The following SASH1 variants were observed in gnomAD, a reference collection of about 807,000 sequenced individuals.
SASH1 encodes the protein SAM and SH3 domain containing 1, also known as SAM and SH3 domain-containing protein 1.
SASH1 carries 44 observed loss-of-function variants against 125.2 expected under a neutral mutation model. The observed-to-expected ratio is 0.35, with a 90% CI of 0.28 to 0.45. SASH1 has a LOEUF of 0.45. Ranked by LOEUF, SASH1 falls within the 20% of genes least tolerant of loss-of-function variation. The pLI is 1.00. For synonymous variants in SASH1, 639 were observed against 649.1 expected (o/e 0.98, Z 0.24); for missense variants, 1,426 against 1,614.5 (o/e 0.88, Z 2.00).
At chr6:148,299,602 G>A (rs760787604) in intron 1 of SASH1, among the ~76,000 whole-genome samples, 20 of 150,150 alleles carry the variant, frequency 1.3e-4, no homozygotes, top group African/African-American at 4.2e-4. Flanking sequence ...GGGAGGTGGC[G>A]GTTGCAGTGA....
intron 1 of SASH1, among the ~76,000 whole-genome samples, chr6:148,336,484 CTG>C (rs1781160143): frequency 6.6e-6 from 1 of 152,034 alleles, no homozygotes; most frequent in African/African-American, 2.4e-5. Context: ...GGCCCTGAAA[CTG>C]TATCTTTACT....
the SASH1 span, among the ~76,000 whole-genome samples, chr6:148,266,248 C>T: frequency 1.5e-4 from 23 of 152,302 alleles, no homozygotes; most frequent in African/African-American, 1.9e-4. Context: ...GGATTACAGG[C>T]GTGAGCCACC....
chr6:148,504,292 G>A (rs1335871820), intron 8 of SASH1, among the ~76,000 whole-genome samples: 1 of 152,056 alleles, frequency 6.6e-6, no homozygotes, highest in African/African-American at 2.4e-5. Flanking sequence ...GGGTGAGACC[G>A]GGTGCTCTGG....
At chr6:148,334,892 T>TTGAACCCGGGAGGCAGAGTTGCAG (rs1287198163) in intron 1 of SASH1, among the ~76,000 whole-genome samples, 1 of 150,054 alleles carries the variant, frequency 6.7e-6, no homozygotes, top group Non-Finnish European at 1.5e-5. Flanking sequence ...GGAGAATCAC[T>TTGAACCCGGGAGGCAGAGTTGCAG]TGAACCCGGG....
intron 2 of SASH1, among the ~76,000 whole-genome samples, chr6:148,391,326 C>T (rs1257445079): frequency 6.6e-6 from 1 of 150,998 alleles, no homozygotes; most frequent in African/African-American, 2.4e-5. Context: ...TCAGGCCGAT[C>T]TTGAACTCCC....
At chr6:148,504,747 A>G (rs1779707749) in intron 8 of SASH1, among the ~76,000 whole-genome samples, 1 of 152,098 alleles carries the variant, frequency 6.6e-6, no homozygotes, top group Non-Finnish European at 1.5e-5. Flanking sequence ...GAGATCAGAC[A>G]AGGCTCCTGG....
the SASH1 span, among the ~76,000 whole-genome samples, chr6:148,228,862 G>T: frequency 1.9e-4 from 29 of 152,094 alleles, no homozygotes; most frequent in Non-Finnish European, 3.4e-4. Flanking sequence ...TTGGCTGGGC[G>T]CAGTGGCTCA....
At chr6:148,273,381 C>T (rs1210243078) in intron 1 of SASH1, among the ~76,000 whole-genome samples, 7 of 148,886 alleles carry the variant, frequency 4.7e-5, no homozygotes, top group African/African-American at 1.7e-4. Context: ...GCAACCTCTG[C>T]CTCCTGGGTT....
At chr6:148,390,899 T>C (rs1783688019) in intron 2 of SASH1, among the ~76,000 whole-genome samples, 1 of 152,116 alleles carries the variant, frequency 6.6e-6, no homozygotes, top group Non-Finnish European at 1.5e-5. Context: ...CCAAAGGGTG[T>C]CTAGGCTAAT....
At chr6:148,270,313 C>T (rs1382386922), upstream of SASH1, among the ~76,000 whole-genome samples, 2 of 152,206 alleles carry the variant, frequency 1.3e-5, no homozygotes, top group Admixed American at 1.3e-4. Flanking sequence ...ACCTTACCTG[C>T]CAGCTATCAA....
chr6:148,459,625 C>G (rs1348264505), intron 4 of SASH1, among the ~76,000 whole-genome samples: 1 of 152,034 alleles, frequency 6.6e-6, no homozygotes, highest in Non-Finnish European at 1.5e-5. Context: ...GAACCAGCCC[C>G]TTACAAGTTA....
At chr6:148,305,254 A>C (rs1028983915) in intron 1 of SASH1, among the ~76,000 whole-genome samples, 3 of 152,038 alleles carry the variant, frequency 2.0e-5, no homozygotes, top group African/African-American at 7.2e-5. Flanking sequence ...TAAAGGTTCT[A>C]TTTGTTCCTG....
At chr6:148,256,348 A>G in the SASH1 span, among the ~76,000 whole-genome samples, 1 of 152,236 alleles carries the variant, frequency 6.6e-6, no homozygotes, top group African/African-American at 2.4e-5. Context: ...AGACAACTTT[A>G]TAAAGTGCTT....
intron 6 of SASH1, 86 bp downstream of exon 6, chr6:148,471,589 A>G: frequency 1.2e-6 from 1 of 802,828 alleles, no homozygotes; most frequent in South Asian, 1.6e-5. Context: ...TGGATGCTAT[A>G]AGTTAGCGTA....
intron 1 of SASH1, among the ~76,000 whole-genome samples, chr6:148,296,542 G>A (rs1359305953): frequency 6.6e-6 from 1 of 152,166 alleles, no homozygotes; most frequent in Admixed American, 6.5e-5. Flanking sequence ...GTAACTCTAT[G>A]GGATTCATTG....
At position 148,536,168 on chromosome 6, in the gene SASH1, G is replaced by A. The variant is rs115719632; in HGVS notation, c.2095+1267G>A. ...TTGCCCAAGAGACACTTTGGGGTCT[G>A]TGGCCAGGTTGCGTGTAAAGAGCCT... On this transcript the variant is annotated intron_variant, in intron 16 of 19. Transcript: ENST00000367467. Among the ~76,000 whole-genome samples, 716 of 152,318 alleles carry A rather than the reference G, an allele frequency of 4.7e-3. 7 individuals are homozygous for A. Among genetic ancestry groups the A allele is most frequent in the African/African-American group, 0.016 (674 of 41,574 alleles).
At chr6:148,311,151 G>A in intron 1 of SASH1, among the ~76,000 whole-genome samples, 1 of 151,252 alleles carries the variant, frequency 6.6e-6, no homozygotes, top group South Asian at 2.1e-4. Flanking sequence ...CTGTCGCCCG[G>A]GCTGGAGAGC....
chr6:148,382,318 C>G (rs1017099804), intron 1 of SASH1, among the ~76,000 whole-genome samples: 1 of 152,164 alleles, frequency 6.6e-6, no homozygotes, highest in Non-Finnish European at 1.5e-5. Flanking sequence ...GTGTGACGGT[C>G]TCGCTCTGTC....
chr6:148,358,727 G>GTT lies in SASH1; in HGVS notation c.156+15508_156+15509dup, dbSNP rs1554242358. On this transcript the variant is annotated intron_variant, in intron 1 of 19. Coordinates refer to ENST00000367467, the MANE Select transcript of SASH1 (RefSeq NM_015278.5). ...TTGGTTTCCTGTTTCCTAATGCCAT[G>GTT]TTTTTGTTTTTTTTTTTTTTTTTTT... is the stretch of plus-strand genomic sequence containing the variant. 1.2e-3 allele frequency among the ~76,000 whole-genome samples: 121 copies of GTT among 98,748 alleles called. 1 individual carries two copies. The highest frequency in any genetic ancestry group is 3.5e-3 in the African/African-American group (101 of 28,558). 64.8% of individuals were successfully genotyped at this position (98,748 alleles called of 152,430 possible).
Sources: allele counts gnomAD v4.1 joint callset (sites outside exome capture counted in the v4.1 genomes callset), GRCh38; gene constraint gnomAD v4.1.1; transcripts MANE v1.5; gene names NCBI Gene and HGNC (gene_info 2026-07-23, HGNC 2026-07-21).